The following HS3ST4 variants were observed in gnomAD, a reference collection of about 807,000 sequenced individuals.
The protein encoded by HS3ST4 is heparan sulfate-glucosamine 3-sulfotransferase 4.
Under a neutral mutation model 29.2 loss-of-function variants are expected in HS3ST4, and 17 were observed. The observed-to-expected ratio is 0.58, with a 90% CI of 0.40 to 0.87. The LOEUF (loss-of-function observed/expected upper bound fraction) is 0.87, where lower values mean the gene tolerates loss of function less well. Ranked by LOEUF, HS3ST4 falls within the 40% of genes least tolerant of loss-of-function variation. The pLI, the probability that HS3ST4 is intolerant of heterozygous loss-of-function variation, is 0.00. For synonymous variants in HS3ST4, 314 were observed against 285.7 expected (o/e 1.10, Z -1.00); for missense variants, 627 against 634.5 (o/e 0.99, Z 0.13).
At chr16:25,862,855 T>C (rs993551384) in intron 1 of HS3ST4, among the ~76,000 whole-genome samples, 1 of 152,232 alleles carries the variant, frequency 6.6e-6, no homozygotes, top group African/African-American at 2.4e-5. Context: ...AATGCTACTC[T>C]TTGCTTTACA....
At chr16:25,847,541 C>T (rs528151957) in intron 1 of HS3ST4, among the ~76,000 whole-genome samples, 4 of 152,156 alleles carry the variant, frequency 2.6e-5, no homozygotes, top group Non-Finnish European at 4.4e-5. Flanking sequence ...GAATGTTAAC[C>T]GTGATAATCA....
chr16:26,078,244 C>T (rs538482906), intron 1 of HS3ST4, among the ~76,000 whole-genome samples: 68 of 152,212 alleles, frequency 4.5e-4, no homozygotes, highest in African/African-American at 1.6e-3. Flanking sequence ...AGGTTCATGC[C>T]TATTCTTCTG....
intron 1 of HS3ST4, among the ~76,000 whole-genome samples, chr16:25,792,045 A>G (rs1410870528): frequency 6.6e-6 from 1 of 151,922 alleles, no homozygotes; most frequent in Non-Finnish European, 1.5e-5. Context: ...TTCATAAACA[A>G]TTTGCTTCAA....
At chr16:25,805,073 G>A (rs1251934628) in intron 1 of HS3ST4, among the ~76,000 whole-genome samples, 1 of 152,116 alleles carries the variant, frequency 6.6e-6, no homozygotes, top group Admixed American at 6.5e-5. Flanking sequence ...CCCAGAGCTT[G>A]TGTCTGTTTG....
intron 1 of HS3ST4, among the ~76,000 whole-genome samples, chr16:25,876,380 AC>A (rs1967833588): frequency 6.6e-6 from 1 of 152,172 alleles, no homozygotes; most frequent in African/African-American, 2.4e-5. Flanking sequence ...AATAATGCCA[AC>A]AGGATCCAGC....
At chr16:25,902,041 A>G (rs1241990081) in intron 1 of HS3ST4, among the ~76,000 whole-genome samples, 4 of 152,026 alleles carry the variant, frequency 2.6e-5, no homozygotes, top group Non-Finnish European at 5.9e-5. Context: ...CATCTCCACC[A>G]CGATATGGGT....
chr16:25,768,262 C>G (rs903701016), intron 1 of HS3ST4, among the ~76,000 whole-genome samples: 1 of 152,162 alleles, frequency 6.6e-6, no homozygotes, highest in African/African-American at 2.4e-5. Flanking sequence ...CAGTGCATAC[C>G]CTTCCAGACT....
intron 1 of HS3ST4, among the ~76,000 whole-genome samples, chr16:25,845,303 G>T (rs1228810356): frequency 6.6e-6 from 1 of 152,180 alleles, no homozygotes; most frequent in East Asian, 1.9e-4. Flanking sequence ...GAGGTCAGGA[G>T]TTTAAGACCA....
At chr16:26,073,636 G>A (rs1427456362) in intron 1 of HS3ST4, among the ~76,000 whole-genome samples, 2 of 152,310 alleles carry the variant, frequency 1.3e-5, no homozygotes, top group Admixed American at 1.3e-4. Flanking sequence ...GCCTCCCAAA[G>A]TGTTGGGATT....
intron 1 of HS3ST4, among the ~76,000 whole-genome samples, chr16:26,027,855 A>G (rs1969490725): frequency 6.6e-6 from 1 of 152,224 alleles, no homozygotes; most frequent in African/African-American, 2.4e-5. Context: ...TAAACTCAGT[A>G]ATGGCTGACT....
At chr16:25,826,489 T>C (rs559326775) in intron 1 of HS3ST4, among the ~76,000 whole-genome samples, 1 of 152,052 alleles carries the variant, frequency 6.6e-6, no homozygotes, top group Admixed American at 6.5e-5. Context: ...TCTAGTGAAA[T>C]GGGGAAGGGG....
chr16:25,802,137 A>G (rs1000852086), intron 1 of HS3ST4, among the ~76,000 whole-genome samples: 7 of 152,136 alleles, frequency 4.6e-5, no homozygotes, highest in Non-Finnish European at 1.0e-4. Context: ...AAAAATTGAT[A>G]TGATATTTTA....
At chr16:25,930,357 C>G (rs938287919) in intron 1 of HS3ST4, among the ~76,000 whole-genome samples, 1 of 152,208 alleles carries the variant, frequency 6.6e-6, no homozygotes, top group Non-Finnish European at 1.5e-5. Flanking sequence ...CACTCTTACT[C>G]CTTTTGTTCT....
chr16:25,704,793 C>T (rs547508839), intron 1 of HS3ST4, among the ~76,000 whole-genome samples: 7 of 151,348 alleles, frequency 4.6e-5, no homozygotes, highest in African/African-American at 1.2e-4. Context: ...GCAGGAGAAT[C>T]GCTTGAACCC....
At chr16:25,846,291 C>T (rs1967465333) in intron 1 of HS3ST4, among the ~76,000 whole-genome samples, 1 of 152,182 alleles carries the variant, frequency 6.6e-6, no homozygotes, top group Non-Finnish European at 1.5e-5. Flanking sequence ...GCAGTTCCTG[C>T]AATTTTGGTA....
chr16:26,083,731 GA>G (rs549428585), intron 1 of HS3ST4, among the ~76,000 whole-genome samples: 98 of 147,064 alleles, frequency 6.7e-4, no homozygotes, highest in African/African-American at 2.2e-3. Context: ...GTCCAGGGAA[GA>G]AAAAAAAAAT....
At chr16:25,831,109 G>T (rs115114479) in intron 1 of HS3ST4, among the ~76,000 whole-genome samples, 11,291 of 152,064 alleles carry the variant, frequency 0.074, 488 homozygotes, top group South Asian at 0.12. Flanking sequence ...ATCTTGCCAT[G>T]CTTGGCTGTG....
intron 1 of HS3ST4, among the ~76,000 whole-genome samples, chr16:26,064,068 C>T (rs888757121): frequency 1.3e-5 from 2 of 151,954 alleles, no homozygotes; most frequent in African/African-American, 4.8e-5. Context: ...AGGTAGGTAA[C>T]ATAAACAAGA....
intron 1 of HS3ST4, among the ~76,000 whole-genome samples, chr16:25,950,305 C>G (rs1302839718): frequency 1.3e-5 from 2 of 152,116 alleles, no homozygotes; most frequent in Non-Finnish European, 2.9e-5. Context: ...AGAGACATCA[C>G]ATCACTCCAA....
Sources: gnomAD v4.1 joint callset for allele counts (sites outside exome capture counted in the v4.1 genomes callset) on GRCh38, gnomAD v4.1.1 for gene constraint, MANE v1.5 for transcripts, NCBI Gene and HGNC (gene_info 2026-07-23, HGNC 2026-07-21) for gene names.